Variants in IGHMBP2 observed in about 807,000 individuals in gnomAD.
IGHMBP2 encodes the protein immunoglobulin mu DNA binding protein 2, also known as DNA-binding protein SMUBP-2.
A neutral mutation model predicts 96.0 loss-of-function variants in IGHMBP2; 81 were observed. That is an observed-to-expected ratio of 0.84 (90% CI 0.71 to 1.01). IGHMBP2 has a LOEUF of 1.01. Among genes scored for constraint, IGHMBP2 ranks in the 50% least tolerant of loss-of-function variants. The pLI is 0.00. For synonymous variants in IGHMBP2, 557 were observed against 548.9 expected (o/e 1.01, Z -0.21); for missense variants, 1,227 against 1,306.3 (o/e 0.94, Z 0.94).
rs746562021 is a variant in IGHMBP2, at chr11:68,929,149, C to G, written c.1061-34C>G. 8 of 1,603,508 alleles carry G rather than the reference C, an allele frequency of 5.0e-6. No individual in the cohort carries two copies. In the South Asian group the frequency reaches 7.7e-5, roughly 15 times the overall value. The stretch of plus-strand genomic sequence containing the variant: ...GCTGCGCTGTTGGGAAGCAGCTGTG[C>G]CCCTGGAGACTCCCGGCTCCCTGTT... On this transcript the variant is annotated intron_variant, in intron 7 of 14. Transcript: ENST00000255078.
At chr11:68,917,596 GTC>G (rs1858719674) in intron 6 of IGHMBP2, 138 bp from the exon 7 acceptor site, 2 of 718,104 alleles carry the variant, frequency 2.8e-6, no homozygotes, top group Non-Finnish European at 4.9e-6. Flanking sequence ...GTGTATCTGT[GTC>G]TCTTTCAAGG....
At chr11:68,929,133 T>C in intron 7 of IGHMBP2, 50 bp from the exon 8 acceptor site, 1 of 1,566,372 alleles carries the variant, frequency 6.4e-7, no homozygotes, top group Non-Finnish European at 8.7e-7. Flanking sequence ...GGCTGCGCTG[T>C]TGGGAAGCAG....
chr11:68,933,462 G>A lies in IGHMBP2; in HGVS notation c.1399G>A (p.Val467Met), dbSNP rs755120725. The change falls in exon 9 of 15, where the codon GTG becomes ATG. Residue 467 changes from valine (V) to methionine (M), a missense_variant. By Grantham distance (21) the Val-to-Met change is conservative. This residue lies in a region of IGHMBP2 where 703 missense variants were observed against 770.3 expected (regional missense o/e 0.91). Coordinates refer to ENST00000255078, the MANE Select transcript of IGHMBP2 (RefSeq NM_002180.3). ...TGGGCAGCTCACAGCCCACTCTTCCGTGGCAAGGCACCTCCTGAGGTGAGT... is the reference window on the plus strand; with the variant it reads ...TGGGCAGCTCACAGCCCACTCTTCCATGGCAAGGCACCTCCTGAGGTGAGT... ...YLGQLTAHSSVARHLLRDLPG... is the reference protein window; with the variant it reads ...YLGQLTAHSSMARHLLRDLPG... The A allele has an allele frequency of 1.5e-5, 24 of 1,612,670 alleles. No homozygotes were observed. The highest frequency in any genetic ancestry group is 2.0e-5 in the Non-Finnish European group (24 of 1,179,708).
rs891265230 is a variant in IGHMBP2, at chr11:68,906,435, C to T, written c.256+197C>T. 1.1e-5 allele frequency: 7 copies of T among 628,554 alleles called. No individual in the cohort carries two copies. The East Asian group carries it at 2.0e-4, about 18-fold the overall frequency. The allele number at this position is 628,554 out of a possible 1,614,324, so 38.9% of individuals were successfully genotyped here. ...GTTGTCCAAAATGGTAGCCATTAGCCATGCGTGGTCATCAAATGTTTGAAG... is the reference window on the plus strand; with the variant it reads ...GTTGTCCAAAATGGTAGCCATTAGCTATGCGTGGTCATCAAATGTTTGAAG... On this transcript the variant is annotated intron_variant, in intron 2 of 14. Coordinates refer to ENST00000255078, the MANE Select transcript of IGHMBP2 (RefSeq NM_002180.3).
At chr11:68,918,050 G>A (rs1255768042) in intron 7 of IGHMBP2, among the ~76,000 whole-genome samples, 167 bp downstream of exon 7, 1 of 152,162 alleles carries the variant, frequency 6.6e-6, no homozygotes, top group African/African-American at 2.4e-5. Flanking sequence ...TTCATGGAGA[G>A]GTTTTGAACT....
In IGHMBP2 at chr11:68,929,620, G is replaced by A. The variant is rs566146983; in HGVS notation, c.1235+263G>A. The stretch of plus-strand genomic sequence containing the variant: ...GGGCCTGGCACGTTTCTGGTGTTCC[G>A]TCCCTGCTTGTTGAGTTGAATATCC... On this transcript the variant is annotated intron_variant, in intron 8 of 14. Transcript: ENST00000255078. The A allele has an allele frequency of 2.9e-4, 151 of 522,274 alleles. 2 individuals carry two copies. In the South Asian group the frequency reaches 0.011, roughly 39 times the overall value. The allele number at this position is 522,274 out of a possible 1,614,324, so 32.4% of individuals were successfully genotyped here.
chr11:68,909,402 A>T (rs899624471), intron 4 of IGHMBP2, among the ~76,000 whole-genome samples: 5 of 150,004 alleles, frequency 3.3e-5, no homozygotes, highest in Non-Finnish European at 7.4e-5. Flanking sequence ...CTGTTCTCAA[A>T]CTCCTGATCT....
At chr11:68,909,077 G>A (rs1419631452) in intron 4 of IGHMBP2, among the ~76,000 whole-genome samples, 4 of 150,750 alleles carry the variant, frequency 2.7e-5, no homozygotes, top group African/African-American at 9.8e-5. Context: ...CTGACCTCAT[G>A]ATCCACCCGC....
chr11:68,915,162 T>C (rs1187433626), intron 6 of IGHMBP2, 139 bp downstream of exon 6: 3 of 413,672 alleles, frequency 7.3e-6, no homozygotes, highest in Non-Finnish European at 8.4e-6. Context: ...AAAATTGGGC[T>C]GCCCTTTTTT....
At chr11:68,935,233 G>GA in intron 11 of IGHMBP2, 66 bp from the exon 12 acceptor site, 2 of 1,600,926 alleles carry the variant, frequency 1.2e-6, no homozygotes, top group Non-Finnish European at 1.7e-6. Flanking sequence ...CTGCTGAGCT[G>GA]AAGGGCAGGG....
chr11:68,911,793 C>T (rs1809996465), intron 5 of IGHMBP2, among the ~76,000 whole-genome samples, 190 bp downstream of exon 5: 1 of 152,260 alleles, frequency 6.6e-6, no homozygotes, highest in African/African-American at 2.4e-5. Context: ...GGGGAGCACG[C>T]GCAGGAGCCG....
rs1448152495 is a variant in IGHMBP2, at chr11:68,936,323, C to T, written c.1843C>T (p.Arg615Cys). Reference sequence around the variant, plus strand: ...CCACGTGGCGGTCATCTGTGACTCCCGTACTGTCAACAACCATGCATTTTT... The same window carrying T: ...CCACGTGGCGGTCATCTGTGACTCCTGTACTGTCAACAACCATGCATTTTT... The part of the protein sequence containing the change: ...RRHVAVICDS[R>C]TVNNHAFLKT... The change falls in exon 13 of 15, where the codon CGT becomes TGT. Residue 615 changes from arginine (R) to cysteine (C), a missense_variant. This residue lies in a region of IGHMBP2 where 703 missense variants were observed against 770.3 expected (regional missense o/e 0.91). Coordinates refer to ENST00000255078, the MANE Select transcript of IGHMBP2 (RefSeq NM_002180.3). The T allele has an allele frequency of 1.4e-5, 23 of 1,614,098 alleles. No homozygotes were observed. Among genetic ancestry groups the T allele is most frequent in the Admixed American group, 1.2e-4 (7 of 60,010 alleles).
rs886048603 is a variant in IGHMBP2 at position 68,908,640 on chromosome 11, T to G, written c.547+9T>G. 3.1e-6 allele frequency: 5 copies of G among 1,587,998 alleles called. No homozygotes were observed. Among genetic ancestry groups the G allele is most frequent in the Non-Finnish European group, 4.3e-6 (5 of 1,156,546 alleles). ...TCCTGCCAGTGAAATACGTAAGAAC[T>G]TCTGAGTTTTCTTTTTTGGTTGAAA... On this transcript the variant is annotated intron_variant, in intron 4 of 14. Coordinates refer to ENST00000255078, the MANE Select transcript of IGHMBP2 (RefSeq NM_002180.3).
At chr11:68,914,301 A>AG (rs200447892) in intron 5 of IGHMBP2, among the ~76,000 whole-genome samples, 38,262 of 151,802 alleles carry the variant, frequency 0.25, 5,543 homozygotes, top group South Asian at 0.45. Flanking sequence ...TCAAAAAAAA[A>AG]AAAGAAAGAA....
At chr11:68,933,520 C>T (rs781674346) in intron 9 of IGHMBP2, 39 bp downstream of exon 9, 25 of 1,589,782 alleles carry the variant, frequency 1.6e-5, no homozygotes, top group Middle Eastern at 1.7e-4. Flanking sequence ...CATCCTTCTG[C>T]CCTGGCTAAT....
At chr11:68,921,710 T>C (rs982554357) in intron 7 of IGHMBP2, among the ~76,000 whole-genome samples, 1 of 152,240 alleles carries the variant, frequency 6.6e-6, no homozygotes, top group African/African-American at 2.4e-5. Flanking sequence ...TTACCACTTT[T>C]GGCGCTTTGT....
chr11:68,932,050 G>A (rs1859330269), intron 8 of IGHMBP2, among the ~76,000 whole-genome samples: 1 of 149,014 alleles, frequency 6.7e-6, no homozygotes, highest in African/African-American at 2.5e-5. Context: ...GCATTCCCTG[G>A]AGACAGTAGG....
At chr11:68,915,166 C>CCTTTTTTTTTTTTTTTTTTTTT (rs1191505010) in intron 6 of IGHMBP2, 143 bp downstream of exon 6, 2 of 176,576 alleles carry the variant, frequency 1.1e-5, no homozygotes, top group African/African-American at 1.1e-4. Context: ...TTGGGCTGCC[C>CCTTTTTTTTTTTTTTTTTTTTT]TTTTTTTTTT....
In IGHMBP2 at chr11:68,915,003, A is replaced by G; in HGVS notation, c.892A>G (p.Lys298Glu). The change falls in exon 6 of 15, where the codon AAG (lysine) becomes GAG (glutamate). Residue 298 changes from lysine (K) to glutamate (E), a missense_variant. Lys to Glu is a moderately conservative substitution (Grantham distance 56). Around this residue, in one of 3 missense-constraint regions of IGHMBP2, gnomAD observed 507 missense variants for 496.9 expected, o/e 1.02. Transcript: ENST00000255078. ...DSAQIVADIR[K>E]DIDQVFVKNK... ...TGCCCAGATTGTTGCAGATATCAGG[A>G]AGGACATCGACCAGGTCTTTGTAGG... 1 of 1,614,052 alleles carries G rather than the reference A, an allele frequency of 6.2e-7. No homozygotes were observed. Among genetic ancestry groups the G allele is most frequent in the Non-Finnish European group, 8.5e-7 (1 of 1,179,988 alleles).
Sources: allele counts gnomAD v4.1 joint callset (sites outside exome capture counted in the v4.1 genomes callset), GRCh38; gene constraint gnomAD v4.1.1; regional missense constraint gnomAD v4.1.1; transcripts MANE v1.5; gene names NCBI Gene and HGNC (gene_info 2026-07-23, HGNC 2026-07-21).